Variants in DIS3L observed in about 807,000 individuals in gnomAD.
The protein encoded by DIS3L is DIS3 like exosome 3'-5' exoribonuclease.
A neutral mutation model predicts 120.3 loss-of-function variants in DIS3L; 100 were observed. The ratio of observed to expected loss-of-function variants is 0.83; its 90% confidence interval spans 0.71 to 0.98. The LOEUF is 0.98. DIS3L is among the 50% of genes least tolerant of loss of function. DIS3L has a pLI of 0.00. For missense variants in DIS3L, 1,196 were observed against 1,314.2 expected, an observed-to-expected ratio of 0.91 and a Z score of 1.39; for synonymous variants, 426 against 470.6, an observed-to-expected ratio of 0.91 and a Z score of 1.23.
At chr15:66,320,841 G>A (rs2140385471) in intron 9 of DIS3L, 109 bp downstream of exon 9, 1 of 1,318,568 alleles carries the variant, frequency 7.6e-7, no homozygotes, top group Non-Finnish European at 1.0e-6. Context: ...CCCACTGTGT[G>A]AAGGCACAGA....
chr15:66,317,858 GA>G (rs2092836414), intron 7 of DIS3L, among the ~76,000 whole-genome samples: 1 of 99,898 alleles, frequency 1.0e-5, no homozygotes, highest in African/African-American at 2.8e-5. Context: ...AAAAAAAAAA[GA>G]AACGAACAAA....
Position 66,311,784 on chromosome 15 carries a change from C to G in DIS3L, c.619C>G (p.Leu207Val), listed in dbSNP as rs2092764245. The change falls in exon 5 of 17, where the codon CTT becomes GTT. Residue 207 changes from leucine to valine, a missense_variant. Coordinates refer to ENST00000319212, the MANE Select transcript of DIS3L (RefSeq NM_001143688.3). ...TGCCCACGAGCTTTGTGATTCTATC[C>G]TTCAGTCTCGACGGGAGAGAGAGAA... The part of the protein sequence containing the change: ...KAAHELCDSI[L>V]QSRRERENES... 1 of 1,614,038 alleles carries G rather than the reference C, an allele frequency of 6.2e-7. No individual in the cohort carries two copies. Among genetic ancestry groups the G allele is most frequent in the African/African-American group, 1.3e-5 (1 of 74,908 alleles).
intron 2 of DIS3L, among the ~76,000 whole-genome samples, chr15:66,300,035 A>G (rs1340654877): frequency 6.6e-6 from 1 of 152,222 alleles, no homozygotes; most frequent in Non-Finnish European, 1.5e-5. Flanking sequence ...TGGGTGACAG[A>G]GCAAGACTCC....
Position 66,307,748 on chromosome 15 carries a change from A to G in DIS3L, c.422+796A>G, listed in dbSNP as rs762678494. Among the ~76,000 whole-genome samples the G allele has an allele frequency of 7.5e-4, 114 of 152,200 alleles. 1 individual carries two copies. Among genetic ancestry groups the G allele is most frequent in the Non-Finnish European group, 1.2e-3 (83 of 68,040 alleles). ...GTGTGGAGTGTTTATGTGGAAAGCA[A>G]TTCCCAGAAGCAGGAGTGAAGAAGC... On this transcript the variant is annotated intron_variant, in intron 3 of 16. Coordinates refer to ENST00000319212, the MANE Select transcript of DIS3L (RefSeq NM_001143688.3).
At chr15:66,304,963 CAAAA>C (rs2092688051) in intron 2 of DIS3L, among the ~76,000 whole-genome samples, 1 of 146,208 alleles carries the variant, frequency 6.8e-6, no homozygotes, top group Non-Finnish European at 1.5e-5. Flanking sequence ...CACAGTGACT[CAAAA>C]TTAGAATTAC....
chr15:66,329,043 C>T lies in DIS3L; in HGVS notation c.2275C>T (p.Arg759Cys), dbSNP rs78972883. ...CGATCCCATTGTGAACAGGCTACTG[C>T]GCTCCATGGCCACGCAGGCCATGTC... ...PHDPIVNRLL[R>C]SMATQAMSNA... Residue 759 changes from arginine to cysteine, a missense_variant, in exon 13 of 17, where the codon CGC becomes TGC. By Grantham distance (180) the Arg-to-Cys change is radical. Coordinates refer to ENST00000319212, the MANE Select transcript of DIS3L (RefSeq NM_001143688.3). 5.6e-5 allele frequency: 91 copies of T among 1,614,244 alleles called. No homozygotes were observed. The East Asian group carries it at 7.8e-4, about 14-fold the overall frequency.
At chr15:66,301,200 A>G (rs2092643988) in intron 2 of DIS3L, among the ~76,000 whole-genome samples, 2 of 152,188 alleles carry the variant, frequency 1.3e-5, no homozygotes, top group African/African-American at 4.8e-5. Context: ...TTAAAACATT[A>G]AGATGATGGA....
At chr15:66,312,752 A>G (rs1397313743) in intron 5 of DIS3L, among the ~76,000 whole-genome samples, 1 of 152,192 alleles carries the variant, frequency 6.6e-6, no homozygotes, top group Non-Finnish European at 1.5e-5. Flanking sequence ...TATCACATGC[A>G]TAGATTTGTG....
At position 66,321,786 on chromosome 15, in the gene DIS3L, C is replaced by T. The variant is rs372087158; in HGVS notation, c.1327-901C>T. Reference sequence around the variant, plus strand: ...CTCAAAAAAAAAAAAAAAAATGTTACTTTGAACATTTTTATAAACACCGCT... The same window carrying T: ...CTCAAAAAAAAAAAAAAAAATGTTATTTTGAACATTTTTATAAACACCGCT... On this transcript the variant is annotated intron_variant, in intron 9 of 16. Transcript: ENST00000319212. Among the ~76,000 whole-genome samples the T allele has an allele frequency of 6.0e-5, 9 of 150,684 alleles. No homozygotes were observed. In the East Asian group the frequency reaches 1.7e-3, roughly 29 times the overall value.
chr15:66,332,692 T>C (rs1297868410), intron 15 of DIS3L, 44 bp from the exon 16 acceptor site: 4 of 1,532,808 alleles, frequency 2.6e-6, no homozygotes, highest in Non-Finnish European at 3.5e-6. Flanking sequence ...ATCTGTGTAC[T>C]AAGAATACAT....
intron 2 of DIS3L, among the ~76,000 whole-genome samples, chr15:66,305,069 C>T (rs111853615): frequency 1.1e-3 from 143 of 133,842 alleles, no homozygotes; most frequent in African/African-American, 3.8e-3. Flanking sequence ...GGCCTGATCT[C>T]GGCTCACTGC....
At chr15:66,301,878 C>T (rs2092651700) in intron 2 of DIS3L, among the ~76,000 whole-genome samples, 2 of 152,114 alleles carry the variant, frequency 1.3e-5, no homozygotes, top group South Asian at 4.1e-4. Context: ...TTTTATCTGG[C>T]TGATAGGTAG....
In DIS3L at chr15:66,331,953, G is replaced by C. The variant is rs200057073; in HGVS notation, c.2614G>C (p.Glu872Gln). Residue 872 changes from glutamate to glutamine, a missense_variant, in exon 15 of 17, where the codon GAG becomes CAG. By Grantham distance (29) the Glu-to-Gln change is conservative. Transcript: ENST00000319212. ...YFKDKDPATE[E>Q]RCISDGVIYS... ...CAAAGACAAAGACCCTGCCACCGAG[G>C]AGCGTTGCATATCTGACGGAGTTAT... 6.2e-7 allele frequency: 1 copy of C among 1,613,520 alleles called. No homozygotes were observed. The highest frequency in any genetic ancestry group is 8.5e-7 in the Non-Finnish European group (1 of 1,179,750).
At chr15:66,294,915 G>C (rs969522429) in intron 1 of DIS3L, 73 bp from the exon 2 acceptor site, 2 of 1,433,080 alleles carry the variant, frequency 1.4e-6, no homozygotes, top group African/African-American at 1.4e-5. Context: ...TTGCATGCCA[G>C]AGCACCGTGA....
Position 66,311,713 on chromosome 15 carries a change from A to C in DIS3L, c.559-11A>C, listed in dbSNP as rs760919722. 2.5e-6 allele frequency: 4 copies of C among 1,613,554 alleles called. No individual in the cohort carries two copies. The highest frequency in any genetic ancestry group is 3.4e-6 in the Non-Finnish European group (4 of 1,179,900). ...TCTGACCGTGTTTCTCTGTGCCTTT[A>C]TTAAATACAGAATTACCTGGACAAT... On this transcript the variant is annotated splice_polypyrimidine_tract_variant and intron_variant, in intron 4 of 16. Coordinates refer to ENST00000319212, the MANE Select transcript of DIS3L (RefSeq NM_001143688.3).
At chr15:66,304,991 T>A (rs12910706) in intron 2 of DIS3L, among the ~76,000 whole-genome samples, 8,272 of 145,888 alleles carry the variant, frequency 0.057, 336 homozygotes, top group Middle Eastern at 0.1. Context: ...GAAAATAAAA[T>A]CGATTTCTTT....
At chr15:66,329,514 T>C (rs2092976564) in intron 14 of DIS3L, 115 bp downstream of exon 14, 1 of 1,368,934 alleles carries the variant, frequency 7.3e-7, no homozygotes, top group South Asian at 1.8e-5. Flanking sequence ...TCTAGAATTA[T>C]TCTAACCAGT....
At chr15:66,309,094 A>ATATATATATATATATAT (rs1555401896) in intron 4 of DIS3L, among the ~76,000 whole-genome samples, 1 of 15,320 alleles carries the variant, frequency 6.5e-5, no homozygotes, top group African/African-American at 2.0e-4. Flanking sequence ...AAAAAAAAAA[A>ATATATATATATATATAT]ATATATATAT....
Position 66,320,535 on chromosome 15 carries a change from G to T in DIS3L, c.1165-36G>T, listed in dbSNP as rs1169145722. On this transcript the variant is annotated intron_variant, in intron 8 of 16. Transcript: ENST00000319212. The stretch of plus-strand genomic sequence containing the variant: ...CTCTAATTGACCCACTTAACTCCTG[G>T]TGCTCAGCTGTGTTTTATTTTTTCC... The T allele has an allele frequency of 2.0e-5, 31 of 1,586,052 alleles. No homozygotes were observed. In the East Asian group the frequency reaches 6.8e-4, roughly 35 times the overall value.
Sources: allele counts gnomAD v4.1 joint callset (sites outside exome capture counted in the v4.1 genomes callset), GRCh38; gene constraint gnomAD v4.1.1; transcripts MANE v1.5; gene names NCBI Gene and HGNC (gene_info 2026-07-23, HGNC 2026-07-21).